Variants in PTPRE observed in about 807,000 individuals in gnomAD.
PTPRE encodes protein tyrosine phosphatase receptor type E, also known as receptor-type tyrosine-protein phosphatase epsilon.
Under a neutral mutation model 102.0 loss-of-function variants are expected in PTPRE, and 51 were observed. That is an observed-to-expected ratio of 0.50 (90% CI 0.40 to 0.63). The LOEUF (loss-of-function observed/expected upper bound fraction) is 0.63. PTPRE is among the 30% of genes least tolerant of loss of function. The probability of loss-of-function intolerance (pLI) is 0.00; values close to 1 mark genes in which losing one functional copy is unlikely to be tolerated. For synonymous variants in PTPRE, 345 were observed against 348.2 expected (o/e 0.99, Z 0.10); for missense variants, 752 against 915.1 (o/e 0.82, Z 2.30).
intron 2 of PTPRE, among the ~76,000 whole-genome samples, chr10:128,016,448 A>G (rs1013749377): frequency 2.0e-5 from 3 of 148,898 alleles, no homozygotes; most frequent in African/African-American, 7.5e-5. Flanking sequence ...AAGCATGTCT[A>G]TTTTTTTAGA....
At chr10:128,009,335 A>G (rs10829316) in intron 2 of PTPRE, among the ~76,000 whole-genome samples, 10,367 of 152,344 alleles carry the variant, frequency 0.068, 526 homozygotes, top group Middle Eastern at 0.15. Flanking sequence ...AGAAAAGGGT[A>G]AAACATCAAC....
rs1305400916 is a variant in PTPRE at position 128,066,099 on chromosome 10, G to A, written c.748G>A (p.Asp250Asn). 17 of 1,614,034 alleles carry A rather than the reference G, an allele frequency of 1.1e-5. No individual in the cohort carries two copies. Among genetic ancestry groups the A allele is most frequent in the East Asian group, 4.5e-5 (2 of 44,894 alleles). Residue 250 changes from aspartate to asparagine, a missense_variant, in exon 11 of 21, where the codon GAC becomes AAC. Transcript: ENST00000254667. ...KEEKCHQYWPDQGCWTYGNIR... is the reference protein window; with the variant it reads ...KEEKCHQYWPNQGCWTYGNIR... ...GGAAAAGTGCCATCAGTACTGGCCC[G>A]ACCAAGGCTGCTGGACCTATGGAAA...
intron 2 of PTPRE, chr10:127,987,455 T>C: frequency 1.3e-6 from 1 of 799,792 alleles, no homozygotes; most frequent in Non-Finnish European, 1.7e-6. Flanking sequence ...TGGTTGCTTC[T>C]AATATAATTT....
At chr10:128,043,334 A>T (rs563561691) in intron 3 of PTPRE, among the ~76,000 whole-genome samples, 2 of 152,252 alleles carry the variant, frequency 1.3e-5, no homozygotes, top group East Asian at 3.8e-4. Context: ...ATCACCAGGC[A>T]TCAGGTTCTC....
intron 3 of PTPRE, 116 bp from the exon 4 acceptor site, chr10:128,047,274 C>T: frequency 7.1e-7 from 1 of 1,405,392 alleles, no homozygotes; most frequent in Non-Finnish European, 9.4e-7. Flanking sequence ...GATGGATCCA[C>T]TTTACAAAAT....
At chr10:127,939,900 A>G (rs1225247187) in intron 1 of PTPRE, among the ~76,000 whole-genome samples, 35 of 105,234 alleles carry the variant, frequency 3.3e-4, no homozygotes, top group Admixed American at 5.8e-4. Context: ...GTGAGGGCAG[A>G]TGCAGGCAGA....
intron 2 of PTPRE, among the ~76,000 whole-genome samples, chr10:128,035,923 G>A (rs1050167737): frequency 1.8e-4 from 28 of 152,300 alleles, no homozygotes; most frequent in African/African-American, 6.7e-4. Context: ...GGTCTCCTGG[G>A]CTGGTTGAGA....
chr10:127,974,681 T>G (rs1851011766), intron 1 of PTPRE, among the ~76,000 whole-genome samples: 1 of 152,230 alleles, frequency 6.6e-6, no homozygotes, highest in Non-Finnish European at 1.5e-5. Context: ...TCACTAATGT[T>G]AAATGGCTGG....
intron 1 of PTPRE, among the ~76,000 whole-genome samples, chr10:127,942,332 C>G (rs774871609): frequency 6.6e-6 from 1 of 152,184 alleles, no homozygotes; most frequent in Non-Finnish European, 1.5e-5. Flanking sequence ...ATCAACCTGT[C>G]TAAAATGAAA....
At chr10:127,912,071 G>A (rs1484957973) in intron 1 of PTPRE, among the ~76,000 whole-genome samples, 1 of 152,184 alleles carries the variant, frequency 6.6e-6, no homozygotes, top group Non-Finnish European at 1.5e-5. Flanking sequence ...TATGAAGGCA[G>A]CCTCCTTTTC....
intron 2 of PTPRE, among the ~76,000 whole-genome samples, chr10:127,989,337 C>G (rs1399071905): frequency 6.6e-6 from 1 of 152,100 alleles, no homozygotes; most frequent in African/African-American, 2.4e-5. Flanking sequence ...AGATAACTTA[C>G]ATGCCTTATG....
At chr10:128,061,636 A>C (rs1209512731) in intron 8 of PTPRE, 43 bp from the exon 9 acceptor site, 1 of 1,565,426 alleles carries the variant, frequency 6.4e-7, no homozygotes, top group East Asian at 2.3e-5. Flanking sequence ...CTTTCAGCAA[A>C]GATAATTCTG....
intron 2 of PTPRE, among the ~76,000 whole-genome samples, chr10:127,996,789 G>A (rs1319509742): frequency 6.6e-6 from 1 of 152,210 alleles, no homozygotes; most frequent in Non-Finnish European, 1.5e-5. Flanking sequence ...GAGTTCCTGT[G>A]AATGTTGCAA....
Position 128,070,127 on chromosome 10 carries a change from CA to C in PTPRE, c.1144-172del. Reference sequence around the variant, plus strand: ...CTCTGCTGCTACCGTTCTCCTTACTCAAGGGCATAAATGGTCGTTATCCGTG... The same window carrying C: ...CTCTGCTGCTACCGTTCTCCTTACTCAGGGCATAAATGGTCGTTATCCGTG... On this transcript the variant is annotated intron_variant, in intron 13 of 20. Coordinates refer to ENST00000254667, the MANE Select transcript of PTPRE (RefSeq NM_006504.6). This position sits in a 1 kb window ranked among gnomAD's most constrained non-coding sequence, Gnocchi z 4.8. 1.3e-6 allele frequency: 1 copy of C among 776,186 alleles called. No homozygotes were observed. Among genetic ancestry groups the C allele is most frequent in the Non-Finnish European group, 2.0e-6 (1 of 492,960 alleles). The allele number at this position is 776,186 out of a possible 1,614,324, so 48.1% of individuals were successfully genotyped here.
intron 1 of PTPRE, among the ~76,000 whole-genome samples, chr10:127,975,251 C>G (rs1589877660): frequency 6.6e-6 from 1 of 152,250 alleles, no homozygotes; most frequent in African/African-American, 2.4e-5. Context: ...GGTGTCTGCC[C>G]GACTTGATGC....
At chr10:127,969,675 A>G (rs1850546477) in intron 1 of PTPRE, among the ~76,000 whole-genome samples, 1 of 106,670 alleles carries the variant, frequency 9.4e-6, no homozygotes, top group African/African-American at 3.5e-5. Context: ...TAAAAAGAAA[A>G]AAAAAAAGGG....
chr10:128,017,651 C>T (rs1167591260), intron 2 of PTPRE, among the ~76,000 whole-genome samples: 3 of 152,120 alleles, frequency 2.0e-5, no homozygotes, highest in Non-Finnish European at 4.4e-5. Context: ...CTCTCAGCCT[C>T]GGTGGCCACA....
intron 3 of PTPRE, among the ~76,000 whole-genome samples, chr10:128,041,646 CAAAAAAAAAAA>C (rs59411622): frequency 1.3e-5 from 1 of 77,366 alleles, no homozygotes; most frequent in African/African-American, 5.4e-5. Context: ...GACTACGTCT[CAAAAAAAAAAA>C]AAAAAAAAAA....
chr10:127,954,314 C>T (rs966149972), intron 1 of PTPRE, among the ~76,000 whole-genome samples: 1 of 152,198 alleles, frequency 6.6e-6, no homozygotes, highest in Non-Finnish European at 1.5e-5. Context: ...CCCAGTATGG[C>T]ACCATTCTTT....
Sources: gnomAD v4.1 joint callset for allele counts (sites outside exome capture counted in the v4.1 genomes callset) on GRCh38, gnomAD v4.1.1 for gene constraint, Gnocchi (gnomAD v3.1) non-coding constraint, MANE v1.5 for transcripts, NCBI Gene and HGNC (gene_info 2026-07-23, HGNC 2026-07-21) for gene names.